SND1: variants seen among roughly 807,000 people sequenced by gnomAD.
SND1 encodes the protein staphylococcal nuclease domain-containing protein 1.
Under a neutral mutation model 121.7 loss-of-function variants are expected in SND1, and 38 were observed. The ratio of observed to expected loss-of-function variants is 0.31; its 90% CI spans 0.24 to 0.41. SND1 has a LOEUF of 0.41. Among genes scored for constraint, SND1 ranks in the 10% least tolerant of loss-of-function variants. The pLI, the probability that SND1 is intolerant of heterozygous loss-of-function variation, is 1.00. For synonymous variants in SND1, 401 were observed against 447.4 expected (o/e 0.90, Z 1.31); for missense variants, 868 against 1,184.6 (o/e 0.73, Z 3.92).
chr7:128,044,809 A>G (rs1792918396), intron 16 of SND1, among the ~76,000 whole-genome samples: 1 of 152,108 alleles, frequency 6.6e-6, no homozygotes, highest in African/African-American at 2.4e-5. Flanking sequence ...GATAGTTCAT[A>G]TGGAGTAGAA....
chr7:128,049,017 A>G (rs1793001015), intron 16 of SND1, among the ~76,000 whole-genome samples: 1 of 152,076 alleles, frequency 6.6e-6, no homozygotes, highest in Non-Finnish European at 1.5e-5. Flanking sequence ...AGCTCCTTCT[A>G]AGCAGCCTTG....
At chr7:127,847,149 G>T in intron 12 of SND1, among the ~76,000 whole-genome samples, 1 of 152,080 alleles carries the variant, frequency 6.6e-6, no homozygotes. Context: ...GCAGGTGCCT[G>T]TAATCTTAGC....
intron 10 of SND1, among the ~76,000 whole-genome samples, chr7:127,728,280 C>G (rs1796616356): frequency 6.6e-6 from 1 of 152,102 alleles, no homozygotes; most frequent in South Asian, 2.1e-4. Context: ...TATCCCTGAA[C>G]TGGGTGCATT....
At chr7:127,737,190 GGAAATCA>G (rs1796792734) in intron 10 of SND1, among the ~76,000 whole-genome samples, 1 of 152,226 alleles carries the variant, frequency 6.6e-6, no homozygotes, top group Admixed American at 6.5e-5. Context: ...AGGGTTGGCA[GGAAATCA>G]GACAAATGAG....
At chr7:127,684,831 G>C (rs750732647) in intron 1 of SND1, among the ~76,000 whole-genome samples, 1 of 152,134 alleles carries the variant, frequency 6.6e-6, no homozygotes, top group Admixed American at 6.5e-5. Context: ...GCCAGGGTCT[G>C]TGTGCTTAAG....
At chr7:127,994,874 G>C (rs1190820803) in intron 16 of SND1, among the ~76,000 whole-genome samples, 1 of 151,924 alleles carries the variant, frequency 6.6e-6, no homozygotes, top group African/African-American at 2.4e-5. Flanking sequence ...ACCATGCTCG[G>C]CTAATTTTTT....
intron 20 of SND1, 156 bp from the exon 21 acceptor site, chr7:128,086,782 G>T (rs1793694411): frequency 2.9e-6 from 2 of 678,748 alleles, no homozygotes; most frequent in Non-Finnish European, 2.7e-6. Flanking sequence ...TCACCCACTG[G>T]GGAGCCTTTG....
At chr7:128,057,173 G>A (rs1438316289) in intron 16 of SND1, among the ~76,000 whole-genome samples, 5 of 152,180 alleles carry the variant, frequency 3.3e-5, no homozygotes, top group African/African-American at 9.7e-5. Flanking sequence ...TGAGACTGTG[G>A]AAAGGAAAAC....
chr7:127,887,837 T>C (rs1799940421), intron 12 of SND1, 65 bp from the exon 13 acceptor site: 5 of 1,064,918 alleles, frequency 4.7e-6, no homozygotes, highest in Non-Finnish European at 7.2e-6. Context: ...CTAACTGTTA[T>C]TATTTCTGTT....
At chr7:128,040,391 C>G (rs1409348675) in intron 16 of SND1, among the ~76,000 whole-genome samples, 1 of 143,352 alleles carries the variant, frequency 7.0e-6, no homozygotes, top group Non-Finnish European at 1.5e-5. Context: ...TGAGATCGCA[C>G]CACTCACTCC....
intron 9 of SND1, chr7:127,718,850 A>T: frequency 1.6e-6 from 1 of 628,680 alleles, no homozygotes; most frequent in Non-Finnish European, 2.0e-6. Flanking sequence ...TGTCTTGATT[A>T]TAGGAATTTC....
chr7:127,994,151 G>A (rs541328940), intron 16 of SND1, among the ~76,000 whole-genome samples: 10 of 152,190 alleles, frequency 6.6e-5, no homozygotes, highest in African/African-American at 9.6e-5. Context: ...TTTTATCTCC[G>A]TTTTCAGGTG....
chr7:127,899,903 T>C lies in SND1; in HGVS notation c.1455-4844T>C, dbSNP rs372404158. 2.6e-5 allele frequency among the ~76,000 whole-genome samples: 4 copies of C among 152,198 alleles called. No individual in the cohort carries two copies. In the South Asian group the frequency reaches 8.3e-4, roughly 32 times the overall value. On this transcript the variant is annotated intron_variant, in intron 13 of 23. Transcript: ENST00000354725. Reference sequence around the variant, plus strand: ...AAAGCAAAAGCAGAGTGAAGAGACATCATGGAGGCTGCTTACCAGGAAAGC... The same window carrying C: ...AAAGCAAAAGCAGAGTGAAGAGACACCATGGAGGCTGCTTACCAGGAAAGC...
chr7:128,088,639 G>A (rs555146315), intron 21 of SND1, among the ~76,000 whole-genome samples: 1 of 151,916 alleles, frequency 6.6e-6, no homozygotes, highest in South Asian at 2.1e-4. Flanking sequence ...TTTCAGTAGA[G>A]ACAGGGTTTC....
chr7:127,846,589 A>T (rs531495848), intron 12 of SND1, among the ~76,000 whole-genome samples: 1 of 152,292 alleles, frequency 6.6e-6, no homozygotes, highest in Non-Finnish European at 1.5e-5. Flanking sequence ...TAGGAAATCA[A>T]TGAATTTGTT....
intron 10 of SND1, among the ~76,000 whole-genome samples, chr7:127,805,010 G>A (rs1022570641): frequency 6.6e-6 from 1 of 152,046 alleles, no homozygotes; most frequent in Non-Finnish European, 1.5e-5. Flanking sequence ...CCGGCACCTG[G>A]TATCTTCTGT....
intron 10 of SND1, among the ~76,000 whole-genome samples, chr7:127,769,253 T>C (rs1342257939): frequency 6.6e-6 from 1 of 152,110 alleles, no homozygotes; most frequent in Non-Finnish European, 1.5e-5. Context: ...AGAGTGTTTT[T>C]TTTTTTAGAA....
At chr7:128,072,232 T>C in intron 16 of SND1, among the ~76,000 whole-genome samples, 1 of 152,196 alleles carries the variant, frequency 6.6e-6, no homozygotes, top group African/African-American at 2.4e-5. Flanking sequence ...TCTGACATTC[T>C]TGCACCAACC....
chr7:127,974,602 G>C (rs1802071307), intron 15 of SND1, among the ~76,000 whole-genome samples: 1 of 152,172 alleles, frequency 6.6e-6, no homozygotes, highest in Admixed American at 6.5e-5. Context: ...ATTCCAGGCT[G>C]TCTAGGAGAA....
Sources: allele counts gnomAD v4.1 joint callset (sites outside exome capture counted in the v4.1 genomes callset), GRCh38; gene constraint gnomAD v4.1.1; transcripts MANE v1.5; gene names NCBI Gene and HGNC (gene_info 2026-07-23, HGNC 2026-07-21).